Variants in ASPRV1 observed in about 807,000 individuals in gnomAD.
ASPRV1 encodes the protein retroviral-like aspartic protease 1.
A neutral mutation model predicts 11.0 loss-of-function variants in ASPRV1; 7 were observed. The ratio of observed to expected loss-of-function variants is 0.64; its 90% CI spans 0.36 to 1.20. The LOEUF is 1.20. ASPRV1 is among the 50% of genes most tolerant of loss of function. The probability of loss-of-function intolerance (pLI) is 0.02; values close to 1 mark genes in which losing one functional copy is unlikely to be tolerated. For synonymous variants in ASPRV1, 136 were observed against 138.4 expected (o/e 0.98, Z 0.12); for missense variants, 299 against 320.0 (o/e 0.93, Z 0.50).
chr2:69,945,463 CT>C, the ASPRV1 span, among the ~76,000 whole-genome samples: 16 of 152,228 alleles, frequency 1.1e-4, no homozygotes, highest in African/African-American at 3.9e-4. Flanking sequence ...ATGCAGAATT[CT>C]GGAGTCATTG....
At chr2:70,083,555 A>C in the ASPRV1 span, 1 of 152,110 alleles carries the variant, frequency 6.6e-6, no homozygotes, top group Non-Finnish European at 1.5e-5. Flanking sequence ...CACTGAGAGG[A>C]GGCGAGTCAT....
the ASPRV1 span, among the ~76,000 whole-genome samples, chr2:70,069,677 A>G: frequency 6.6e-6 from 1 of 152,190 alleles, no homozygotes; most frequent in Non-Finnish European, 1.5e-5. Context: ...AAGGCTTGGC[A>G]AAATTCCTGT....
At chr2:69,988,684 T>C in the ASPRV1 span, 12 of 434,532 alleles carry the variant, frequency 2.8e-5, no homozygotes, top group African/African-American at 2.4e-4. Flanking sequence ...GTCGATTTTA[T>C]GTTATATATA....
chr2:69,990,878 C>T, the ASPRV1 span, among the ~76,000 whole-genome samples: 5 of 152,140 alleles, frequency 3.3e-5, no homozygotes, highest in East Asian at 1.9e-4. Flanking sequence ...CACCTTCATA[C>T]GCAGCCTCTA....
chr2:69,986,802 C>T, the ASPRV1 span, among the ~76,000 whole-genome samples: 1 of 152,224 alleles, frequency 6.6e-6, no homozygotes, highest in African/African-American at 2.4e-5. Flanking sequence ...GCTGTGCACA[C>T]GTCTCACTGT....
chr2:69,947,877 C>T, the ASPRV1 span, among the ~76,000 whole-genome samples: 15 of 152,086 alleles, frequency 9.9e-5, no homozygotes, highest in Non-Finnish European at 1.5e-4. Flanking sequence ...TGGGGATATC[C>T]GCAGAGGCCA....
the ASPRV1 span, chr2:69,939,877 C>T: frequency 1.3e-5 from 2 of 152,542 alleles, no homozygotes; most frequent in Admixed American, 6.5e-5. Context: ...GAAGCTCCCC[C>T]AGCGCCTGCA....
upstream of ASPRV1, chr2:69,964,370 G>A (rs551922507): frequency 9.5e-4 from 434 of 454,744 alleles, 8 homozygotes; most frequent in Admixed American, 9.3e-3. Context: ...CATGGTTACC[G>A]TGAGAGCTGG....
the ASPRV1 span, chr2:70,014,611 G>A: frequency 6.6e-6 from 1 of 151,738 alleles, no homozygotes; most frequent in African/African-American, 2.4e-5. Context: ...GAACAGCCTG[G>A]GTAATATGGT....
At chr2:70,055,064 A>G in the ASPRV1 span, among the ~76,000 whole-genome samples, 2 of 152,220 alleles carry the variant, frequency 1.3e-5, no homozygotes, top group Non-Finnish European at 2.9e-5. Context: ...GCACTTTGGG[A>G]GGCCGAGACA....
At chr2:70,023,792 T>C in the ASPRV1 span, among the ~76,000 whole-genome samples, 1 of 152,232 alleles carries the variant, frequency 6.6e-6, no homozygotes, top group African/African-American at 2.4e-5. Flanking sequence ...TTGTTGGTCT[T>C]TTTATAATTG....
chr2:69,961,917 T>C (rs917508020), upstream of ASPRV1: 6 of 455,006 alleles, frequency 1.3e-5, no homozygotes, highest in Admixed American at 3.8e-5. Flanking sequence ...GACATTCAGG[T>C]ATTTGTCATC....
the ASPRV1 span, among the ~76,000 whole-genome samples, chr2:69,972,021 C>T: frequency 6.6e-6 from 1 of 152,108 alleles, no homozygotes; most frequent in Non-Finnish European, 1.5e-5. Context: ...GACCCTCTTG[C>T]TTTCATGGCT....
chr2:70,054,375 CAGG>C, the ASPRV1 span, among the ~76,000 whole-genome samples: 1 of 151,060 alleles, frequency 6.6e-6, no homozygotes, highest in Non-Finnish European at 1.5e-5. Flanking sequence ...GTCACAAGGT[CAGG>C]AGATCAAGAC....
the ASPRV1 span, among the ~76,000 whole-genome samples, chr2:70,066,599 T>C: frequency 5.9e-5 from 9 of 151,502 alleles, no homozygotes; most frequent in African/African-American, 2.2e-4. Flanking sequence ...TCTTACATTT[T>C]ACTTTATTTT....
At chr2:70,004,954 T>G in the ASPRV1 span, among the ~76,000 whole-genome samples, 1 of 152,300 alleles carries the variant, frequency 6.6e-6, no homozygotes, top group Non-Finnish European at 1.5e-5. Flanking sequence ...GCTCACGGTA[T>G]GTGCTCAGCA....
At chr2:70,078,613 C>T in the ASPRV1 span, among the ~76,000 whole-genome samples, 2 of 152,162 alleles carry the variant, frequency 1.3e-5, no homozygotes, top group Non-Finnish European at 2.9e-5. Context: ...GGCCCCAAGG[C>T]CTGGCATGCT....
At chr2:70,047,047 A>C in the ASPRV1 span, among the ~76,000 whole-genome samples, 7 of 152,330 alleles carry the variant, frequency 4.6e-5, no homozygotes, top group East Asian at 7.7e-4. Flanking sequence ...CTTCAGGAAG[A>C]AGCAAGGAAA....
the ASPRV1 span, chr2:70,014,540 C>A: frequency 6.6e-6 from 1 of 152,120 alleles, no homozygotes; most frequent in African/African-American, 2.4e-5. Flanking sequence ...GTGGCTCACA[C>A]CTGTAATCCT....
Sources: allele counts gnomAD v4.1 joint callset (sites outside exome capture counted in the v4.1 genomes callset), GRCh38; gene constraint gnomAD v4.1.1; transcripts MANE v1.5; gene names NCBI Gene and HGNC (gene_info 2026-07-23, HGNC 2026-07-21).